RTN1: variants seen among roughly 807,000 people sequenced by gnomAD.
RTN1 encodes reticulon 1.
Under a neutral mutation model 65.5 loss-of-function variants are expected in RTN1, and 25 were observed. That is an observed-to-expected ratio of 0.38 (90% confidence interval 0.28 to 0.53). The LOEUF (loss-of-function observed/expected upper bound fraction) is 0.53. RTN1 is among the 20% of genes least tolerant of loss of function. The pLI, the probability that RTN1 is intolerant of heterozygous loss-of-function variation, is 0.79. For missense variants in RTN1, 983 were observed against 1,025.4 expected, an observed-to-expected ratio of 0.96 and a Z score of 0.57; for synonymous variants, 471 against 447.6, an observed-to-expected ratio of 1.05 and a Z score of -0.66.
chr14:59,652,774 T>C (rs774223639), intron 3 of RTN1, among the ~76,000 whole-genome samples: 6 of 152,022 alleles, frequency 3.9e-5, no homozygotes, highest in Non-Finnish European at 7.4e-5. Context: ...CTTAGCTATA[T>C]AGCAAACCTG....
chr14:59,633,768 T>C lies in RTN1; in HGVS notation c.1766-26276A>G, dbSNP rs148371681. Among the ~76,000 whole-genome samples the C allele has an allele frequency of 7.2e-5, 11 of 152,350 alleles. No individual in the cohort carries two copies. In the East Asian group the frequency reaches 2.1e-3, roughly 29 times the overall value. ...TTCTTTACTTTTCAGGATTAAATCA[T>C]GCATTAGGCAGTCTGTTCTCAGGAA... is the stretch of plus-strand genomic sequence containing the variant. On this transcript the variant is annotated intron_variant, in intron 3 of 8. Coordinates refer to ENST00000267484, the MANE Select transcript of RTN1 (RefSeq NM_021136.3).
At chr14:59,759,971 AT>A (rs1381412970) in intron 1 of RTN1, among the ~76,000 whole-genome samples, 3 of 152,228 alleles carry the variant, frequency 2.0e-5, no homozygotes, top group Admixed American at 2.0e-4. Context: ...CAGATTACAA[AT>A]GTATTTGCTC....
chr14:59,689,779 A>G (rs1046905356), intron 3 of RTN1, among the ~76,000 whole-genome samples: 1 of 152,184 alleles, frequency 6.6e-6, no homozygotes, highest in Non-Finnish European at 1.5e-5. Flanking sequence ...CTACTATTAG[A>G]CCAACCTTAC....
At chr14:59,710,019 C>T (rs542618312) in intron 3 of RTN1, among the ~76,000 whole-genome samples, 1 of 148,208 alleles carries the variant, frequency 6.7e-6, no homozygotes, top group East Asian at 2.0e-4. Context: ...TTCTTTCCTC[C>T]TCTCCTCTCC....
At chr14:59,815,864 A>G (rs988516645) in intron 1 of RTN1, among the ~76,000 whole-genome samples, 1 of 152,062 alleles carries the variant, frequency 6.6e-6, no homozygotes, top group Admixed American at 6.6e-5. Flanking sequence ...GGGCCCTTGT[A>G]TATCTGCAAC....
chr14:59,741,396 A>C lies in RTN1; in HGVS notation c.1015+4312T>G, dbSNP rs376972075. On this transcript the variant is annotated intron_variant, in intron 2 of 8. Transcript: ENST00000267484. ...ACTTTGCCTTGCTGTATTTTTCTTC[A>C]TAACCATTATAACTACCTGATATTA... Among the ~76,000 whole-genome samples the C allele has an allele frequency of 5.2e-4, 79 of 152,260 alleles. 2 individuals are homozygous for C. In the South Asian group the frequency reaches 0.016, roughly 30 times the overall value.
At chr14:59,696,899 A>T (rs1343349755) in intron 3 of RTN1, among the ~76,000 whole-genome samples, 1 of 152,180 alleles carries the variant, frequency 6.6e-6, no homozygotes, top group Non-Finnish European at 1.5e-5. Flanking sequence ...GGGGGAAAAA[A>T]AACAAGAATC....
At chr14:59,700,624 G>T (rs1176163435) in intron 3 of RTN1, among the ~76,000 whole-genome samples, 1 of 152,076 alleles carries the variant, frequency 6.6e-6, no homozygotes, top group African/African-American at 2.4e-5. Flanking sequence ...ATTGGGAAAA[G>T]AACAGCCTTT....
intron 3 of RTN1, among the ~76,000 whole-genome samples, chr14:59,713,872 C>A (rs556937504): frequency 1.3e-5 from 2 of 152,182 alleles, no homozygotes; most frequent in African/African-American, 4.8e-5. Context: ...AAGGACAGTA[C>A]CAGCAAAGGA....
At chr14:59,625,383 G>A (rs745617070) in intron 3 of RTN1, among the ~76,000 whole-genome samples, 11 of 152,110 alleles carry the variant, frequency 7.2e-5, no homozygotes, top group Non-Finnish European at 1.5e-4. Context: ...GTCTAAAACT[G>A]CAACATGTAA....
intron 3 of RTN1, chr14:59,630,615 G>A (rs1220641035): frequency 7.0e-6 from 11 of 1,570,274 alleles, no homozygotes; most frequent in Non-Finnish European, 9.5e-6. Context: ...GCGCGGCTGC[G>A]GAGAGACTGA....
At chr14:59,650,988 T>C (rs1257199350) in intron 3 of RTN1, among the ~76,000 whole-genome samples, 1 of 152,024 alleles carries the variant, frequency 6.6e-6, no homozygotes, top group Non-Finnish European at 1.5e-5. Context: ...CTGGCTAACA[T>C]GGCGAAACCC....
chr14:59,809,567 A>G (rs1886691783), intron 1 of RTN1, among the ~76,000 whole-genome samples: 1 of 152,176 alleles, frequency 6.6e-6, no homozygotes, highest in South Asian at 2.1e-4. Context: ...TGGCTCAGTG[A>G]AATATAAAGG....
chr14:59,775,513 C>T (rs1231079821), intron 1 of RTN1, among the ~76,000 whole-genome samples: 1 of 152,098 alleles, frequency 6.6e-6, no homozygotes, highest in Non-Finnish European at 1.5e-5. Flanking sequence ...TTATAAACTG[C>T]GTACCCTGTG....
intron 3 of RTN1, among the ~76,000 whole-genome samples, chr14:59,715,175 G>A (rs1383943321): frequency 6.6e-6 from 1 of 152,184 alleles, no homozygotes; most frequent in African/African-American, 2.4e-5. Context: ...AAACTTAATA[G>A]TTCAGGTGAA....
At chr14:59,596,890 T>C (rs1490206187) in intron 8 of RTN1, 103 bp from the exon 9 acceptor site, 2 of 852,546 alleles carry the variant, frequency 2.3e-6, no homozygotes, top group African/African-American at 3.3e-5. Flanking sequence ...AACTTAATAT[T>C]CCAGAAGATA....
At chr14:59,779,683 C>T (rs897120255) in intron 1 of RTN1, among the ~76,000 whole-genome samples, 3 of 152,082 alleles carry the variant, frequency 2.0e-5, no homozygotes, top group African/African-American at 7.2e-5. Flanking sequence ...CGTTTTGAAA[C>T]ACTTTCACCA....
intron 3 of RTN1, among the ~76,000 whole-genome samples, chr14:59,714,619 A>G (rs898234478): frequency 2.1e-4 from 32 of 152,302 alleles, no homozygotes; most frequent in Admixed American, 2.1e-3. Context: ...ATTGGTAAGA[A>G]TTAGACTCAG....
At chr14:59,690,350 A>T (rs1883935315) in intron 3 of RTN1, among the ~76,000 whole-genome samples, 1 of 152,126 alleles carries the variant, frequency 6.6e-6, no homozygotes, top group Non-Finnish European at 1.5e-5. Context: ...AAAAAAGGGC[A>T]AAAATGGCAT....
Sources: allele counts gnomAD v4.1 joint callset (sites outside exome capture counted in the v4.1 genomes callset), GRCh38; gene constraint gnomAD v4.1.1; transcripts MANE v1.5; gene names NCBI Gene and HGNC (gene_info 2026-07-23, HGNC 2026-07-21).